The following MADCAM1 variants were observed in gnomAD, a reference collection of about 807,000 sequenced individuals.
MADCAM1 encodes the protein mucosal vascular addressin cell adhesion molecule 1.
Under a neutral mutation model 26.1 loss-of-function variants are expected in MADCAM1, and 19 were observed. That is an observed-to-expected ratio of 0.73 (90% CI 0.51 to 1.07). The LOEUF is 1.07. MADCAM1 is among the 50% of genes least tolerant of loss of function. The pLI, the probability that MADCAM1 is intolerant of heterozygous loss-of-function variation, is 0.00. For missense variants in MADCAM1, 514 were observed against 542.1 expected (o/e 0.95, Z 0.51); for synonymous variants, 268 against 260.9 (o/e 1.03, Z -0.26).
chr19:501,378 C>T (rs1162617549), intron 3 of MADCAM1, among the ~76,000 whole-genome samples: 2 of 146,356 alleles, frequency 1.4e-5, no homozygotes, highest in African/African-American at 5.1e-5. Context: ...CCAGCTACTC[C>T]AGAGGCTGAG....
At chr19:504,696 G>C (rs1600393359) in intron 4 of MADCAM1, 49 bp from the exon 5 acceptor site, 1 of 1,375,268 alleles carries the variant, frequency 7.3e-7, no homozygotes, top group African/African-American at 1.4e-5. Flanking sequence ...TCCCAAGCCT[G>C]CAGAGGCCTG....
intron 3 of MADCAM1, chr19:500,012 G>GGGGGGGGGGGGGGGGC: frequency 2.3e-6 from 1 of 440,724 alleles, no homozygotes; most frequent in Non-Finnish European, 4.5e-6. Flanking sequence ...GCTGGGGTGG[G>GGGGGGGGGGGGGGGGC]CAGAGAGGAG....
In MADCAM1 at chr19:497,886, G is replaced by A. The variant is rs1568316300; in HGVS notation, c.106G>A (p.Ala36Thr). The change falls in exon 2 of 5, where the codon GCC (alanine) becomes ACC (threonine). Residue 36 changes from alanine to threonine, a missense_variant. Transcript: ENST00000215637. ...LQVEPPEPVV[A>T]VALGASRQLT... is the part of the protein sequence containing the mutation. ...GGTGGAGCCCCCGGAGCCGGTGGTG[G>A]CCGTGGCCTTGGGCGCCTCGCGCCA... 7.4e-7 allele frequency: 1 copy of A among 1,358,198 alleles called. No individual in the cohort carries two copies. Among genetic ancestry groups the A allele is most frequent in the Non-Finnish European group, 9.4e-7 (1 of 1,062,954 alleles). 84.1% of individuals were successfully genotyped at this position (1,358,198 alleles called of 1,614,324 possible). A position where few individuals can be genotyped will look rare whatever the true frequency, so the allele number is the denominator to read the frequency against.
chr19:503,449 CG>C (rs1275539237), intron 4 of MADCAM1, among the ~76,000 whole-genome samples: 1 of 150,628 alleles, frequency 6.6e-6, no homozygotes, highest in Non-Finnish European at 1.5e-5. Flanking sequence ...GGCGTGGCAG[CG>C]GGCGCCTGTA....
At chr19:500,599 G>C (rs574301379) in intron 3 of MADCAM1, among the ~76,000 whole-genome samples, 1 of 151,932 alleles carries the variant, frequency 6.6e-6, no homozygotes, top group Non-Finnish European at 1.5e-5. Flanking sequence ...GGCCAGGTGC[G>C]GTGGCTCATG....
At chr19:497,804 G>A (rs900872910) in intron 1 of MADCAM1, 29 bp from the exon 2 acceptor site, 16 of 1,266,016 alleles carry the variant, frequency 1.3e-5, no homozygotes, top group African/African-American at 4.7e-5. Context: ...GGACTCCGCG[G>A]GGCTGAGCGA....
In MADCAM1 at chr19:497,889, G is replaced by A. The variant is rs1172055050; in HGVS notation, c.109G>A (p.Val37Met). 2.9e-6 allele frequency: 4 copies of A among 1,358,464 alleles called. No homozygotes were observed. Among genetic ancestry groups the A allele is most frequent in the Non-Finnish European group, 3.8e-6 (4 of 1,062,908 alleles). The allele number at this position is 1,358,464 out of a possible 1,614,324, so 84.2% of individuals were successfully genotyped here. ...GGAGCCCCCGGAGCCGGTGGTGGCC[G>A]TGGCCTTGGGCGCCTCGCGCCAGCT... ...QVEPPEPVVA[V>M]ALGASRQLTC... is the part of the protein sequence containing the mutation. Residue 37 changes from valine to methionine, a missense_variant, in exon 2 of 5, where the codon GTG (valine) becomes ATG (methionine). By Grantham distance (21) the Val-to-Met change is conservative. Around this residue, in one of 3 missense-constraint regions of MADCAM1, gnomAD observed 317 missense variants for 313.6 expected, o/e 1.01. Transcript: ENST00000215637.
intron 3 of MADCAM1, chr19:499,284 G>A (rs967567519): frequency 4.8e-5 from 22 of 459,842 alleles, no homozygotes; most frequent in African/African-American, 3.0e-4. Context: ...ATCTTTCCAC[G>A]GCTCTCTCCT....
At chr19:499,799 G>A (rs1978310206) in intron 3 of MADCAM1, 1 of 456,302 alleles carries the variant, frequency 2.2e-6, no homozygotes, top group Non-Finnish European at 4.4e-6. Context: ...ATGTGGGCCG[G>A]TGCCCTGGCG....
chr19:499,558 ACG>A (rs1978308516), intron 3 of MADCAM1, among the ~76,000 whole-genome samples: 2 of 151,968 alleles, frequency 1.3e-5, no homozygotes, highest in African/African-American at 4.8e-5. Context: ...GTGTACAAAC[ACG>A]CACACGCGTG....
At chr19:500,005 G>GGGGTGGGCAGAGAGGAGGCTGGATTT in intron 3 of MADCAM1, 2 of 452,284 alleles carry the variant, frequency 4.4e-6, no homozygotes, top group Non-Finnish European at 8.9e-6. Context: ...GGGTGGGGCT[G>GGGGTGGGCAGAGAGGAGGCTGGATTT]GGGTGGGCAG....
At position 505,154 on chromosome 19, in the gene MADCAM1, T is replaced by G; in HGVS notation, c.*189T>G. 1.9e-6 allele frequency: 1 copy of G among 531,798 alleles called. No individual in the cohort carries two copies. Among genetic ancestry groups the G allele is most frequent in the East Asian group, 3.0e-5 (1 of 33,264 alleles). 32.9% of individuals were successfully genotyped at this position (531,798 alleles called of 1,614,324 possible). The stretch of plus-strand genomic sequence containing the variant: ...AAAGAAGGCCACTGTTTGTCTCACC[T>G]ACCCATGACCTGAAGCCCCTCCCTG... On this transcript the variant is annotated 3_prime_UTR_variant, in exon 5 of 5. Coordinates refer to ENST00000215637, the MANE Select transcript of MADCAM1 (RefSeq NM_130760.3).
chr19:497,834 C>T lies in MADCAM1; in HGVS notation c.54C>T (p.Gly18=), dbSNP rs1436085383. The T allele has an allele frequency of 7.7e-7, 1 of 1,302,404 alleles. No individual in the cohort carries two copies. The highest frequency in any genetic ancestry group is 2.3e-5 in the South Asian group (1 of 43,498). 80.7% of individuals were successfully genotyped at this position (1,302,404 alleles called of 1,614,324 possible). A position where few individuals can be genotyped will look rare whatever the true frequency, so the allele number is the denominator to read the frequency against. The stretch of plus-strand genomic sequence containing the variant: ...GAGCGAGAGCCGCGGTCGCCGCAGG[C>T]CAGTCCCTCCAGGTGAAGCCCCTGC... ...LLAGLLGLLL[G]QSLQVKPLQV... The change falls in exon 2 of 5, where the codon GGC becomes GGT. Residue 18 remains glycine, a splice_region_variant and synonymous_variant. Transcript: ENST00000215637.
rs770954228 is a variant in MADCAM1 at position 501,738 on chromosome 19, C to CCTCCCAACACCACCTCCCA, written c.737_738insCTCCCAACACCACCTCCCA (p.Glu247SerfsTer54). 42 of 775,782 alleles carry CCTCCCAACACCACCTCCCA rather than the reference C, an allele frequency of 5.4e-5. No homozygotes were observed. In the African/African-American group the frequency reaches 1.1e-3, roughly 19 times the overall value. 48.1% of individuals were successfully genotyped at this position (775,782 alleles called of 1,614,324 possible). ...CCGGAGTCTCCCGACACCACCTCCC[C>CCTCCCAACACCACCTCCCA]GGAGTCTCCCGACACCACCTCCCAG... On this transcript the variant is annotated frameshift_variant, in exon 4 of 5. Transcript: ENST00000215637. LOFTEE classifies it high-confidence loss of function.
intron 4 of MADCAM1, among the ~76,000 whole-genome samples, chr19:504,055 G>GA (rs764646238): frequency 0.082 from 9,989 of 122,556 alleles, 445 homozygotes; most frequent in South Asian, 0.16. Context: ...ATTCCATTTC[G>GA]AAAAAAAAAA....
At chr19:502,210 G>A (rs989608090) in intron 4 of MADCAM1, among the ~76,000 whole-genome samples, 3 of 152,212 alleles carry the variant, frequency 2.0e-5, no homozygotes, top group African/African-American at 7.2e-5. Context: ...CAGGGACTGT[G>A]TAGATGTCAA....
chr19:502,788 T>A (rs1052744305), intron 4 of MADCAM1, among the ~76,000 whole-genome samples: 3 of 152,186 alleles, frequency 2.0e-5, no homozygotes, highest in Non-Finnish European at 2.9e-5. Flanking sequence ...CACATTTGGG[T>A]CGCCCTTACT....
At position 498,667 on chromosome 19, in the gene MADCAM1, A is replaced by G; in HGVS notation, c.509A>G (p.Glu170Gly). The change falls in exon 3 of 5, where the codon GAG becomes GGG. Residue 170 changes from glutamate to glycine, a missense_variant. Glu to Gly is a moderately conservative substitution (Grantham distance 98). Around this residue, in one of 3 missense-constraint regions of MADCAM1, gnomAD observed 317 missense variants for 313.6 expected, o/e 1.01. Coordinates refer to ENST00000215637, the MANE Select transcript of MADCAM1 (RefSeq NM_130760.3). ...CAAGCCCTGGGCCCGGAGGTGCAGGAGGAGGAGGAGGAGCCCCAGGGGGAC... is the reference window on the plus strand; with the variant it reads ...CAAGCCCTGGGCCCGGAGGTGCAGGGGGAGGAGGAGGAGCCCCAGGGGGAC... Reference protein sequence around the residue: ...GAQALGPEVQEEEEEPQGDED... With the variant: ...GAQALGPEVQGEEEEPQGDED... The G allele has an allele frequency of 6.9e-7, 1 of 1,452,018 alleles. No homozygotes were observed. Among genetic ancestry groups the G allele is most frequent in the Non-Finnish European group, 9.0e-7 (1 of 1,106,560 alleles). 89.9% of individuals were successfully genotyped at this position (1,452,018 alleles called of 1,614,324 possible).
At chr19:499,732 C>T (rs1351920656) in intron 3 of MADCAM1, 6 of 448,492 alleles carry the variant, frequency 1.3e-5, no homozygotes. Context: ...AGAACAGGGC[C>T]TGGGGCATAG....
Sources: allele counts gnomAD v4.1 joint callset (sites outside exome capture counted in the v4.1 genomes callset), GRCh38; gene constraint gnomAD v4.1.1; regional missense constraint gnomAD v4.1.1; transcripts MANE v1.5; gene names NCBI Gene and HGNC (gene_info 2026-07-23, HGNC 2026-07-21).